Variants in VWA2 observed in about 807,000 individuals in gnomAD.
VWA2 encodes von Willebrand factor A domain containing 2.
In VWA2, 73 loss-of-function variants were observed where a neutral mutation model predicts 70.4. That is an observed-to-expected ratio of 1.04 (90% confidence interval 0.86 to 1.26). The LOEUF (loss-of-function observed/expected upper bound fraction) is 1.26, where lower values mean the gene tolerates loss of function less well. Ranked by LOEUF, VWA2 falls within the 50% of genes most tolerant of loss-of-function variation. The pLI, the probability that VWA2 is intolerant of heterozygous loss-of-function variation, is 0.00. For missense variants in VWA2, 1,011 were observed against 998.5 expected (o/e 1.01, Z -0.17); for synonymous variants, 407 against 423.3 (o/e 0.96, Z 0.47).
intron 11 of VWA2, among the ~76,000 whole-genome samples, chr10:114,287,812 TATC>T (rs2039098860): frequency 6.6e-6 from 1 of 152,248 alleles, no homozygotes; most frequent in Non-Finnish European, 1.5e-5. Flanking sequence ...GGCACAGTGT[TATC>T]ATTAATGAAC....
chr10:114,278,970 C>T (rs2037924811), intron 8 of VWA2, 119 bp downstream of exon 8: 9 of 1,473,302 alleles, frequency 6.1e-6, no homozygotes, highest in Non-Finnish European at 7.3e-6. Context: ...TCGAAGGAGA[C>T]CTGGGAGGGA....
At chr10:114,246,810 C>G in intron 1 of VWA2, 1 of 989,450 alleles carries the variant, frequency 1.0e-6, no homozygotes, top group Non-Finnish European at 1.6e-6. Context: ...TGACTGCTGC[C>G]CTCAATCTAG....
At chr10:114,246,809 C>A in intron 1 of VWA2, 1 of 992,450 alleles carries the variant, frequency 1.0e-6, no homozygotes, top group Non-Finnish European at 1.6e-6. Flanking sequence ...TTGACTGCTG[C>A]CCTCAATCTA....
chr10:114,256,603 C>T (rs2037333444), intron 4 of VWA2, among the ~76,000 whole-genome samples: 1 of 152,052 alleles, frequency 6.6e-6, no homozygotes, highest in African/African-American at 2.4e-5. Context: ...TGAACCTACT[C>T]AAAAGTCAAC....
chr10:114,260,503 G>A (rs2037422469), intron 4 of VWA2, among the ~76,000 whole-genome samples: 1 of 152,182 alleles, frequency 6.6e-6, no homozygotes. Context: ...CCCAATGAAG[G>A]ACCGGGTTGT....
intron 4 of VWA2, among the ~76,000 whole-genome samples, chr10:114,259,211 A>AAATGGATG (rs1394035210): frequency 6.6e-6 from 1 of 152,172 alleles, no homozygotes; most frequent in East Asian, 1.9e-4. Flanking sequence ...TTTTTTTGCT[A>AAATGGATG]AATGGATGGG....
rs906842676 is a variant in VWA2 at position 114,239,357 on chromosome 10, G to A, written c.-223G>A. 9.9e-5 allele frequency: 15 copies of A among 152,228 alleles called. No homozygotes were observed. Among genetic ancestry groups the A allele is most frequent in the African/African-American group, 3.6e-4 (15 of 41,460 alleles). The allele number at this position is 152,228 out of a possible 1,614,324, so 9.4% of individuals were successfully genotyped here. The stretch of plus-strand genomic sequence containing the variant: ...CCGATGCCGCTTTAAAAAACGCGAG[G>A]GGCTCTATGCACCTCCCTGGCGGTA... On this transcript the variant is annotated 5_prime_UTR_variant, in exon 1 of 14. Coordinates refer to ENST00000392982, the MANE Select transcript of VWA2 (RefSeq NM_001272046.2).
chr10:114,243,176 A>T (rs1306685745), intron 1 of VWA2, among the ~76,000 whole-genome samples: 1 of 152,244 alleles, frequency 6.6e-6, no homozygotes. Flanking sequence ...GTGTCTGCAG[A>T]TGCAGAAAGT....
intron 4 of VWA2, among the ~76,000 whole-genome samples, chr10:114,258,291 G>A (rs576332940): frequency 1.7e-4 from 26 of 152,268 alleles, no homozygotes; most frequent in African/African-American, 6.0e-4. Context: ...TTTTCAAGAA[G>A]AAATGTCAAG....
intron 1 of VWA2, among the ~76,000 whole-genome samples, chr10:114,248,062 C>T (rs534000875): frequency 1.2e-3 from 180 of 150,380 alleles, no homozygotes; most frequent in Middle Eastern, 6.8e-3. Context: ...GAGCCAAGAT[C>T]GTGCCACTGC....
intron 1 of VWA2, among the ~76,000 whole-genome samples, chr10:114,248,084 G>A (rs1324307686): frequency 6.6e-6 from 1 of 150,718 alleles, no homozygotes; most frequent in African/African-American, 2.5e-5. Flanking sequence ...TTCCAGCCTG[G>A]GCTACAGAAT....
intron 11 of VWA2, among the ~76,000 whole-genome samples, chr10:114,288,137 C>T (rs1589831011): frequency 6.6e-6 from 1 of 152,222 alleles, no homozygotes; most frequent in East Asian, 1.9e-4. Context: ...CCCCACAGGC[C>T]TCTCTGCATC....
At chr10:114,289,795 A>T in intron 12 of VWA2, 70 of 430,232 alleles carry the variant, frequency 1.6e-4, no homozygotes, top group South Asian at 2.6e-4. Flanking sequence ...AAGGGTCTAA[A>T]GATCCCACAT....
chr10:114,244,830 T>G (rs1389832343), intron 1 of VWA2, among the ~76,000 whole-genome samples: 1 of 152,248 alleles, frequency 6.6e-6, no homozygotes, highest in Non-Finnish European at 1.5e-5. Flanking sequence ...GTGAACACAG[T>G]GAGTGCAATG....
At chr10:114,289,609 G>C (rs2039351266) in intron 12 of VWA2, 120 bp downstream of exon 12, 1 of 1,171,718 alleles carries the variant, frequency 8.5e-7, no homozygotes. Flanking sequence ...TGCTTCCCAA[G>C]TGCCAGGTTC....
chr10:114,254,939 A>G lies in VWA2; in HGVS notation c.152A>G (p.Asp51Gly). The change falls in exon 4 of 14, where the codon GAC becomes GGC. Residue 51 changes from aspartate (D) to glycine (G), a missense_variant. Coordinates refer to ENST00000392982, the MANE Select transcript of VWA2 (RefSeq NM_001272046.2). Reference protein sequence around the residue: ...SKMMWCSAAVDIMFLLDGSNS... With the variant: ...SKMMWCSAAVGIMFLLDGSNS... Reference sequence around the variant, plus strand: ...GTGATGTGGTGCTCGGCTGCAGTGGACATCATGTTTCTGTTAGATGGGTCT... The same window carrying G: ...GTGATGTGGTGCTCGGCTGCAGTGGGCATCATGTTTCTGTTAGATGGGTCT... 5 of 1,613,380 alleles carry G rather than the reference A, an allele frequency of 3.1e-6. No individual in the cohort carries two copies. The highest frequency in any genetic ancestry group is 4.2e-6 in the Non-Finnish European group (5 of 1,179,934).
chr10:114,278,476 C>T (rs370370688), intron 7 of VWA2, among the ~76,000 whole-genome samples: 3 of 152,216 alleles, frequency 2.0e-5, no homozygotes, highest in Admixed American at 6.5e-5. Flanking sequence ...GTGCCCATTA[C>T]GCAAAAGCTG....
Position 114,277,966 on chromosome 10 carries a change from T to A in VWA2, c.619T>A (p.Leu207Met). 1 of 1,612,944 alleles carries A rather than the reference T, an allele frequency of 6.2e-7. No individual in the cohort carries two copies. Among genetic ancestry groups the A allele is most frequent in the Non-Finnish European group, 8.5e-7 (1 of 1,179,710 alleles). The change falls in exon 7 of 14, where the codon TTG becomes ATG. Residue 207 changes from leucine (L) to methionine (M), a missense_variant. Coordinates refer to ENST00000392982, the MANE Select transcript of VWA2 (RefSeq NM_001272046.2). ...ASEPRGQHVL[L>M]AEQVEDATNG... ...CGAGCCTAGAGGGCAGCACGTGCTG[T>A]TGGCTGAGCAGGTGGAGGATGCCAC...
intron 2 of VWA2, among the ~76,000 whole-genome samples, chr10:114,250,944 G>T (rs2133294678): frequency 6.6e-6 from 1 of 152,330 alleles, no homozygotes; most frequent in Middle Eastern, 3.4e-3. Flanking sequence ...TGAGGCAGGG[G>T]AGGCCCAGAG....
Sources: gnomAD v4.1 joint callset for allele counts (sites outside exome capture counted in the v4.1 genomes callset) on GRCh38, gnomAD v4.1.1 for gene constraint, MANE v1.5 for transcripts, NCBI Gene and HGNC (gene_info 2026-07-23, HGNC 2026-07-21) for gene names.